The following XKR6 variants were observed in gnomAD, a reference collection of about 807,000 sequenced individuals.
The protein encoded by XKR6 is XK-related protein 6.
Under a neutral mutation model 56.7 loss-of-function variants are expected in XKR6, and 22 were observed. The observed-to-expected ratio is 0.39, with a 90% CI of 0.28 to 0.55. The LOEUF (loss-of-function observed/expected upper bound fraction) is 0.55, where lower values mean the gene tolerates loss of function less well. XKR6 is among the 20% of genes least tolerant of loss of function. The pLI, the probability that XKR6 is intolerant of heterozygous loss-of-function variation, is 0.66. For missense variants in XKR6, 852 were observed against 889.0 expected, an observed-to-expected ratio of 0.96 and a Z score of 0.53; for synonymous variants, 524 against 387.8, an observed-to-expected ratio of 1.35 and a Z score of -4.13.
intron 2 of XKR6, among the ~76,000 whole-genome samples, chr8:10,906,410 C>A (rs1386847258): frequency 6.6e-6 from 1 of 152,192 alleles, no homozygotes; most frequent in Non-Finnish European, 1.5e-5. Context: ...TAGATGTGGT[C>A]TTCACATGCA....
intron 1 of XKR6, among the ~76,000 whole-genome samples, chr8:10,932,733 T>C (rs1291064362): frequency 3.8e-5 from 5 of 130,728 alleles, no homozygotes; most frequent in Non-Finnish European, 6.6e-5. Context: ...ATTTCATCCA[T>C]GTCCCTACAA....
At chr8:11,039,640 C>G (rs975149134) in intron 1 of XKR6, among the ~76,000 whole-genome samples, 2 of 152,204 alleles carry the variant, frequency 1.3e-5, no homozygotes, top group African/African-American at 2.4e-5. Flanking sequence ...GGGGAGAGCC[C>G]GGCGGTAACA....
At chr8:10,923,702 G>A (rs909281427) in intron 2 of XKR6, among the ~76,000 whole-genome samples, 2 of 152,364 alleles carry the variant, frequency 1.3e-5, no homozygotes, top group African/African-American at 4.8e-5. Flanking sequence ...GTCCATGAAC[G>A]TGGTGACACG....
At chr8:10,930,724 A>T (rs531643598) in intron 1 of XKR6, among the ~76,000 whole-genome samples, 1 of 152,238 alleles carries the variant, frequency 6.6e-6, no homozygotes, top group Non-Finnish European at 1.5e-5. Context: ...AGGTAACACA[A>T]TTCAACATCC....
intron 1 of XKR6, among the ~76,000 whole-genome samples, chr8:11,145,532 T>A (rs890318899): frequency 6.6e-6 from 1 of 152,192 alleles, no homozygotes; most frequent in Non-Finnish European, 1.5e-5. Flanking sequence ...GATTGCAGGA[T>A]ATGCAAAGAT....
intron 1 of XKR6, among the ~76,000 whole-genome samples, chr8:11,090,313 C>G (rs1798024451): frequency 6.6e-6 from 1 of 152,102 alleles, no homozygotes; most frequent in Admixed American, 6.6e-5. Context: ...GTCTCAGATT[C>G]CTGGACTCAA....
chr8:10,993,120 C>A (rs946067466), intron 1 of XKR6, among the ~76,000 whole-genome samples: 1 of 152,212 alleles, frequency 6.6e-6, no homozygotes, highest in African/African-American at 2.4e-5. Flanking sequence ...CAGAATGGAA[C>A]ACGGAGGGCT....
At chr8:11,158,069 G>C (rs1460502660) in intron 1 of XKR6, among the ~76,000 whole-genome samples, 3 of 152,184 alleles carry the variant, frequency 2.0e-5, no homozygotes, top group Non-Finnish European at 4.4e-5. Flanking sequence ...CTTCAAACGT[G>C]TAATCAGTGA....
chr8:10,899,060 T>C (rs1799965712), intron 2 of XKR6, 144 bp from the exon 3 acceptor site: 1 of 1,278,400 alleles, frequency 7.8e-7, no homozygotes, highest in African/African-American at 1.5e-5. Flanking sequence ...GAACCGAACT[T>C]GGAGGTCACA....
At position 10,898,538 on chromosome 8, in the gene XKR6, G is replaced by A. The variant is rs139287745; in HGVS notation, c.1340C>T (p.Thr447Met). The A allele has an allele frequency of 1.1e-4, 171 of 1,614,068 alleles. No homozygotes were observed. Among genetic ancestry groups the A allele is most frequent in the Middle Eastern group, 8.2e-4 (5 of 6,062 alleles). ...GGCAGCATTCTCGGTCAAGACTATC[G>A]TATAATATGCAAACATTCGATATCG... The part of the protein sequence containing the change: ...RTRYRMFAYY[T>M]IVLTENAALT... The change falls in exon 3 of 3, where the codon ACG becomes ATG. Residue 447 changes from threonine to methionine, a missense_variant. Around this residue, in one of 4 missense-constraint regions of XKR6, gnomAD observed 199 missense variants for 280.4 expected, o/e 0.71. Transcript: ENST00000416569. This position sits in a 1 kb window ranked among gnomAD's most constrained non-coding sequence, Gnocchi z 6.6.
intron 1 of XKR6, among the ~76,000 whole-genome samples, chr8:10,967,623 G>A (rs1350814960): frequency 6.6e-6 from 1 of 152,210 alleles, no homozygotes; most frequent in African/African-American, 2.4e-5. Context: ...CAGGAAGTGG[G>A]CAAGGTAACA....
At chr8:11,053,729 C>T (rs1010158545) in intron 1 of XKR6, among the ~76,000 whole-genome samples, 1 of 152,242 alleles carries the variant, frequency 6.6e-6, no homozygotes, top group Non-Finnish European at 1.5e-5. Context: ...CCAAGATTCA[C>T]TTGTGCTGTC....
intron 1 of XKR6, among the ~76,000 whole-genome samples, chr8:11,194,161 C>A (rs983699791): frequency 5.3e-5 from 8 of 152,190 alleles, no homozygotes; most frequent in African/African-American, 1.9e-4. Context: ...ATCTGAAATT[C>A]CCTCTTTAAA....
chr8:11,184,776 C>A (rs116110137), intron 1 of XKR6, among the ~76,000 whole-genome samples: 3,465 of 152,146 alleles, frequency 0.023, 129 homozygotes, highest in African/African-American at 0.08. Flanking sequence ...ATGCAATCAA[C>A]CCGCCTCAGC....
chr8:10,898,357 G>C lies in XKR6; in HGVS notation c.1521C>G (p.Ile507Met). ...GCTCGGCACAACAGGAGCTGGCAAG[G>C]ATCTTAGCTCGTGGTCCTGTGGGAT... ...VLHPTGPRAK[I>M]LASSCCAELL... Residue 507 changes from isoleucine to methionine, a missense_variant, in exon 3 of 3, where the codon ATC (isoleucine) becomes ATG (methionine). Physicochemically the swap from Ile to Met is conservative, Grantham distance 10 (BLOSUM62 1). Transcript: ENST00000416569. This position sits in a 1 kb window ranked among gnomAD's most constrained non-coding sequence, Gnocchi z 6.6. 1.2e-6 allele frequency: 2 copies of C among 1,614,052 alleles called. No individual in the cohort carries two copies. The highest frequency in any genetic ancestry group is 1.7e-6 in the Non-Finnish European group (2 of 1,179,960).
At chr8:11,137,451 A>C in intron 1 of XKR6, 3 of 413,012 alleles carry the variant, frequency 7.3e-6, no homozygotes, top group Non-Finnish European at 1.4e-5. Context: ...ACAGTCCCTT[A>C]CATCTTCAGC....
chr8:11,073,227 T>C (rs574729575), intron 1 of XKR6, among the ~76,000 whole-genome samples: 10 of 152,314 alleles, frequency 6.6e-5, no homozygotes, highest in Middle Eastern at 3.4e-3. Flanking sequence ...CTTTTATGAG[T>C]TGAGTATTGG....
chr8:11,191,103 T>C (rs1427605648), intron 1 of XKR6, among the ~76,000 whole-genome samples: 2 of 152,178 alleles, frequency 1.3e-5, no homozygotes, highest in Non-Finnish European at 2.9e-5. Flanking sequence ...TCTTAGTTTC[T>C]CTAAAATGAA....
intron 1 of XKR6, among the ~76,000 whole-genome samples, chr8:11,168,160 A>G (rs1802183003): frequency 6.6e-6 from 1 of 152,212 alleles, no homozygotes; most frequent in African/African-American, 2.4e-5. Flanking sequence ...CCTAAGGCAT[A>G]TAAGGAAAAA....
Sources: allele counts gnomAD v4.1 joint callset (sites outside exome capture counted in the v4.1 genomes callset), GRCh38; gene constraint gnomAD v4.1.1; regional missense constraint gnomAD v4.1.1; non-coding constraint Gnocchi (gnomAD v3.1); transcripts MANE v1.5; gene names NCBI Gene and HGNC (gene_info 2026-07-23, HGNC 2026-07-21).